Variants in SAXO1 observed in about 807,000 individuals in gnomAD.
SAXO1 encodes the protein stabilizer of axonemal microtubules 1, also known as 4930500O09Rik.
A neutral mutation model predicts 17.5 loss-of-function variants in SAXO1; 21 were observed. The ratio of observed to expected loss-of-function variants is 1.20; its 90% CI spans 0.85 to 1.72. SAXO1 has a LOEUF of 1.72. SAXO1 is among the 40% of genes most tolerant of loss of function. The pLI, the probability that SAXO1 is intolerant of heterozygous loss-of-function variation, is 0.00. For missense variants in SAXO1, 843 were observed against 596.0 expected, an observed-to-expected ratio of 1.41 and a Z score of -4.32; for synonymous variants, 274 against 216.5, an observed-to-expected ratio of 1.27 and a Z score of -2.33.
At chr9:18,946,233 G>A (rs986069364) in intron 2 of SAXO1, among the ~76,000 whole-genome samples, 7 of 133,382 alleles carry the variant, frequency 5.2e-5, no homozygotes, top group African/African-American at 2.1e-4. Context: ...CCGAGATCGT[G>A]CCACTGCTCT....
At position 18,927,958 on chromosome 9, in the gene SAXO1, GT is replaced by G. The variant is rs1588386487; in HGVS notation, c.*93del. The G allele has an allele frequency of 4.9e-5, 69 of 1,398,892 alleles. No individual in the cohort carries two copies. The East Asian group carries it at 1.6e-3, about 32-fold the overall frequency. The allele number at this position is 1,398,892 out of a possible 1,614,324, so 86.7% of individuals were successfully genotyped here. ...GAAGGTTTTTTGTTTTTTGTTTTTT[GT>G]CATTTTAGGGAATTCTTTTTTGTCC... On this transcript the variant is annotated 3_prime_UTR_variant, in exon 4 of 4. Coordinates refer to ENST00000380534, the MANE Select transcript of SAXO1 (RefSeq NM_153707.4).
In SAXO1 at chr9:19,033,096, CT is replaced by C. The variant is rs1283809277; in HGVS notation, c.-189del. 1.8e-6 allele frequency: 1 copy of C among 561,684 alleles called. No homozygotes were observed. Among genetic ancestry groups the C allele is most frequent in the Non-Finnish European group, 3.0e-6 (1 of 337,022 alleles). 34.8% of individuals were successfully genotyped at this position (561,684 alleles called of 1,614,324 possible). On this transcript the variant is annotated 5_prime_UTR_variant, in exon 1 of 4. Transcript: ENST00000380534. ...CGTCTGTTGCCCTCCTGGAGCTGGC[CT>C]AGCGCGAGGTAGCAGCAGGGGGCTT...
At position 18,941,881 on chromosome 9, in the gene SAXO1, C is replaced by T. The variant is rs113554452; in HGVS notation, c.219-42G>A. Reference sequence around the variant, plus strand: ...GCATGCTGTTGGGGTCCTTGGCTTGCGATAAGGCTTATGTTTTCTGCTCAA... The same window carrying T: ...GCATGCTGTTGGGGTCCTTGGCTTGTGATAAGGCTTATGTTTTCTGCTCAA... On this transcript the variant is annotated intron_variant, in intron 2 of 3. Transcript: ENST00000380534. 1,022 of 1,583,940 alleles carry T rather than the reference C, an allele frequency of 6.5e-4. 5 individuals carry two copies. In the African/African-American group the frequency reaches 0.01, roughly 16 times the overall value.
chr9:18,994,072 T>G (rs182408070), intron 1 of SAXO1, among the ~76,000 whole-genome samples: 16 of 152,276 alleles, frequency 1.1e-4, no homozygotes, highest in Admixed American at 2.6e-4. Context: ...AATCCTTTTA[T>G]CAAAAAATAT....
intron 1 of SAXO1, among the ~76,000 whole-genome samples, chr9:19,008,158 A>G (rs566934089): frequency 6.6e-6 from 1 of 151,500 alleles, no homozygotes; most frequent in South Asian, 2.1e-4. Flanking sequence ...TATTTTTAGT[A>G]GAGAGGGGGT....
chr9:19,007,553 A>G (rs745589892), intron 1 of SAXO1, among the ~76,000 whole-genome samples: 4 of 152,184 alleles, frequency 2.6e-5, no homozygotes, highest in Non-Finnish European at 5.9e-5. Flanking sequence ...CCTCTGTGCC[A>G]TTCCAGAGTT....
At chr9:18,935,160 C>A (rs1268101167) in intron 3 of SAXO1, among the ~76,000 whole-genome samples, 1 of 152,216 alleles carries the variant, frequency 6.6e-6, no homozygotes, top group East Asian at 1.9e-4. Context: ...ATGATCTGCG[C>A]ACCTGGGCCT....
intron 2 of SAXO1, among the ~76,000 whole-genome samples, chr9:18,943,267 A>C (rs1287672102): frequency 6.6e-6 from 1 of 152,198 alleles, no homozygotes; most frequent in African/African-American, 2.4e-5. Flanking sequence ...ATTTAAAAAT[A>C]TATCTTAGCG....
intron 3 of SAXO1, among the ~76,000 whole-genome samples, chr9:18,933,416 A>T (rs1432774626): frequency 6.6e-6 from 1 of 152,218 alleles, no homozygotes. Context: ...AAAAGAAAAA[A>T]ATATCTTTTT....
At chr9:18,998,420 G>A (rs1472065140) in intron 1 of SAXO1, among the ~76,000 whole-genome samples, 1 of 152,116 alleles carries the variant, frequency 6.6e-6, no homozygotes, top group Non-Finnish European at 1.5e-5. Context: ...AGAGAAAAAA[G>A]AGTGAAAAGA....
chr9:18,943,736 T>A (rs1831675477), intron 2 of SAXO1, among the ~76,000 whole-genome samples: 1 of 152,190 alleles, frequency 6.6e-6, no homozygotes, highest in Non-Finnish European at 1.5e-5. Context: ...ACCCTATTCA[T>A]TTCCAAGGAG....
At chr9:18,991,084 C>A (rs536917962) in intron 1 of SAXO1, among the ~76,000 whole-genome samples, 2 of 152,206 alleles carry the variant, frequency 1.3e-5, no homozygotes, top group African/African-American at 4.8e-5. Flanking sequence ...ATAGTGAAAC[C>A]CTGTCTCTAC....
chr9:18,967,548 G>A (rs1353333280), intron 1 of SAXO1, among the ~76,000 whole-genome samples: 1 of 152,196 alleles, frequency 6.6e-6, no homozygotes, highest in Non-Finnish European at 1.5e-5. Context: ...ACACTGTAAG[G>A]GGAAAACTAC....
chr9:18,959,987 T>A (rs932271232), intron 1 of SAXO1, among the ~76,000 whole-genome samples: 2 of 151,958 alleles, frequency 1.3e-5, no homozygotes, highest in African/African-American at 4.8e-5. Context: ...CCTGTTGGAA[T>A]GGGCAGGCAG....
chr9:19,038,122 G>C (rs370653049), upstream of SAXO1, among the ~76,000 whole-genome samples: 17,928 of 152,202 alleles, frequency 0.12, 1,113 homozygotes, highest in Admixed American at 0.14. Context: ...TGCCGGAGAG[G>C]ATGTGGAGAA....
intron 1 of SAXO1, among the ~76,000 whole-genome samples, chr9:19,041,276 C>T (rs544508660): frequency 6.6e-6 from 1 of 150,746 alleles, no homozygotes; most frequent in Non-Finnish European, 1.5e-5. Flanking sequence ...CTATAAAACA[C>T]TGATGAAAGA....
chr9:18,928,069 A>T lies in SAXO1; in HGVS notation c.1408T>A (p.Leu470Met). 1.2e-6 allele frequency: 2 copies of T among 1,601,846 alleles called. No homozygotes were observed. The highest frequency in any genetic ancestry group is 1.7e-4 in the Middle Eastern group (1 of 6,006). Residue 470 changes from leucine (L) to methionine (M), a missense_variant, in exon 4 of 4, where the codon TTG (leucine) becomes ATG (methionine). Transcript: ENST00000380534. Reference sequence around the variant, plus strand: ...TTTCAAAATCAGGCTAACACTTCCAACTCCCTCTGGTTGGGGTTTTCTGAA... The same window carrying T: ...TTTCAAAATCAGGCTAACACTTCCATCTCCCTCTGGTTGGGGTTTTCTGAA... The part of the protein sequence containing the change: ...DDSENPNQRE[L>M]EVLA
chr9:18,969,924 C>G (rs1026679137), intron 1 of SAXO1, among the ~76,000 whole-genome samples: 1 of 152,224 alleles, frequency 6.6e-6, no homozygotes, highest in African/African-American at 2.4e-5. Flanking sequence ...AGGGCTAATG[C>G]CTCTTTTGCT....
intron 1 of SAXO1, among the ~76,000 whole-genome samples, chr9:19,022,586 G>A (rs1402676710): frequency 2.0e-5 from 3 of 152,038 alleles, no homozygotes; most frequent in Non-Finnish European, 2.9e-5. Context: ...GACCATTATG[G>A]GGAAAGATAG....
Sources: allele counts gnomAD v4.1 joint callset (sites outside exome capture counted in the v4.1 genomes callset), GRCh38; gene constraint gnomAD v4.1.1; transcripts MANE v1.5; gene names NCBI Gene and HGNC (gene_info 2026-07-23, HGNC 2026-07-21).